GK: variants seen among roughly 807,000 people sequenced by gnomAD.
GK encodes ATP:glycerol 3-phosphotransferase.
In GK, 9 loss-of-function variants were observed where a neutral mutation model predicts 56.4. The observed-to-expected ratio is 0.16, with a 90% CI of 0.10 to 0.28. The LOEUF (loss-of-function observed/expected upper bound fraction) is 0.28. GK is among the 10% of genes least tolerant of loss of function. GK has a pLI of 1.00. For missense variants in GK, 161 were observed against 431.4 expected, an observed-to-expected ratio of 0.37 and a Z score of 5.55; for synonymous variants, 104 against 144.1, an observed-to-expected ratio of 0.72 and a Z score of 1.99.
chrX:30,685,259 A>G (rs999285794), intron 4 of GK, among the ~76,000 whole-genome samples: 4 of 110,434 alleles, frequency 3.6e-5, no homozygotes, highest in Non-Finnish European at 7.6e-5. Flanking sequence ...AGCCTCCCGA[A>G]TAGCTGGGAC....
At chrX:30,700,560 G>A (rs1935597523) in intron 10 of GK, 111 bp downstream of exon 10, 1 of 666,776 alleles carries the variant, frequency 1.5e-6, no homozygotes, top group Admixed American at 2.9e-5. Context: ...ACAAGTAAAA[G>A]TTGCAAAATT....
rs1937297566 is a variant in GK, at chrX:30,730,211, T to C, written c.*1469T>C. 8.9e-6 allele frequency: 1 copy of C among 112,163 alleles called. No homozygotes were observed. Among genetic ancestry groups the C allele is most frequent in the African/African-American group, 3.2e-5 (1 of 30,904 alleles). 9.2% of individuals were successfully genotyped at this position (112,163 alleles called of 1,213,427 possible). On this transcript the variant is annotated 3_prime_UTR_variant, in exon 21 of 21. Transcript: ENST00000427190. Reference sequence around the variant, plus strand: ...TGAAGAAAAGATTGCCTCCTAATTATTTTTTTCAATGAGTGCTGAATGGGA... The same window carrying C: ...TGAAGAAAAGATTGCCTCCTAATTACTTTTTTCAATGAGTGCTGAATGGGA...
intron 5 of GK, 43 bp from the exon 6 acceptor site, chrX:30,694,357 G>A (rs1325397703): frequency 8.6e-7 from 1 of 1,162,170 alleles, no homozygotes; most frequent in African/African-American, 1.8e-5. Flanking sequence ...GTTTTAAACT[G>A]TTACACTTTT....
chrX:30,689,171 A>T (rs1365017056), intron 4 of GK, among the ~76,000 whole-genome samples: 1 of 112,233 alleles, frequency 8.9e-6, no homozygotes, highest in African/African-American at 3.2e-5. Context: ...GTGCTTGTTA[A>T]TTTTACCTAT....
chrX:30,654,241 G>A (rs946917666), intron 1 of GK, among the ~76,000 whole-genome samples: 8 of 112,417 alleles, frequency 7.1e-5, no homozygotes, highest in African/African-American at 1.9e-4. Flanking sequence ...TCAGTTCTGA[G>A]ACTTTGCCCA....
chrX:30,700,986 A>T (rs1601926314), intron 11 of GK, 81 bp downstream of exon 11: 2 of 615,544 alleles, frequency 3.2e-6, no homozygotes, highest in East Asian at 6.6e-5. Flanking sequence ...AAGCTTTTGA[A>T]GTTCATCCAG....
rs192287931 is a variant in GK at position 30,716,464 on chromosome X, A to G, written c.976-2074A>G. Among the ~76,000 whole-genome samples the G allele has an allele frequency of 9.0e-3, 1,014 of 112,263 alleles. 4 individuals are homozygous for G. Among genetic ancestry groups the G allele is most frequent in the Middle Eastern group, 0.014 (3 of 218 alleles). On this transcript the variant is annotated intron_variant, in intron 13 of 20. Coordinates refer to ENST00000427190, the MANE Select transcript of GK (RefSeq NM_001205019.2). ...AAAGATAGTACAAAAAAAAATCTCA[A>G]TAATTTAATATTGATTTCATGTTGA...
At chrX:30,702,047 AT>A (rs34088900) in intron 11 of GK, among the ~76,000 whole-genome samples, 51 of 103,313 alleles carry the variant, frequency 4.9e-4, no homozygotes, top group Admixed American at 1.1e-3. Flanking sequence ...ATTTTTATTT[AT>A]TTTTTTTTTT....
At chrX:30,712,107 T>G (rs1197365854) in intron 13 of GK, among the ~76,000 whole-genome samples, 1 of 112,483 alleles carries the variant, frequency 8.9e-6, no homozygotes, top group African/African-American at 3.2e-5. Flanking sequence ...CACTCAACAT[T>G]ATGTTTGTGA....
At chrX:30,713,045 C>G in intron 13 of GK, among the ~76,000 whole-genome samples, 1 of 111,725 alleles carries the variant, frequency 9.0e-6, no homozygotes, top group East Asian at 2.8e-4. Flanking sequence ...TGTTGGATTT[C>G]TTAATACAAG....
At chrX:30,689,178 C>T (rs1035842974) in intron 4 of GK, among the ~76,000 whole-genome samples, 4 of 111,982 alleles carry the variant, frequency 3.6e-5, no homozygotes, top group Non-Finnish European at 7.5e-5. Context: ...TTAATTTTAC[C>T]TATCATAGAT....
chrX:30,696,209 A>G, intron 7 of GK, 58 bp downstream of exon 7: 1 of 653,522 alleles, frequency 1.5e-6, no homozygotes, highest in Non-Finnish European at 2.5e-6. Context: ...TTTATAACCG[A>G]AATCTTAATA....
At chrX:30,694,892 T>C (rs1749794856) in intron 6 of GK, among the ~76,000 whole-genome samples, 1 of 112,092 alleles carries the variant, frequency 8.9e-6, no homozygotes, top group African/African-American at 3.2e-5. Context: ...CAGGATAAAA[T>C]ACCTAGAGTA....
At position 30,672,319 on chromosome X, in the gene GK, C is replaced by T. The variant is rs183269816; in HGVS notation, c.259+4201C>T. Among the ~76,000 whole-genome samples, 154 of 110,672 alleles carry T rather than the reference C, an allele frequency of 1.4e-3. 2 individuals carry two copies. Among genetic ancestry groups the T allele is most frequent in the African/African-American group, 4.9e-3 (149 of 30,479 alleles). On this transcript the variant is annotated intron_variant, in intron 3 of 20. Transcript: ENST00000427190. ...TTCCCTGTTAGAGAAAAGGGAAACC[C>T]ACATATCCATTCCTCCACTGCCTTG...
intron 3 of GK, chrX:30,671,768 A>G (rs1234577968): frequency 8.9e-6 from 1 of 112,108 alleles, no homozygotes; most frequent in African/African-American, 3.2e-5. Flanking sequence ...CTTTCCTTCT[A>G]GCGGTAGAGT....
In GK at chrX:30,694,732, T is replaced by G. The variant is rs149371626; in HGVS notation, c.552+195T>G. Among the ~76,000 whole-genome samples, 1,112 of 111,809 alleles carry G rather than the reference T, an allele frequency of 9.9e-3. 10 individuals carry two copies. Among genetic ancestry groups the G allele is most frequent in the African/African-American group, 0.033 (1,028 of 30,778 alleles). On this transcript the variant is annotated intron_variant, in intron 6 of 20. Coordinates refer to ENST00000427190, the MANE Select transcript of GK (RefSeq NM_001205019.2). ...TTGCCTACTTCCTCTTTATTTTTTCTTGTCTTACTTCAGTGAAAATGAAGG... is the reference window on the plus strand; with the variant it reads ...TTGCCTACTTCCTCTTTATTTTTTCGTGTCTTACTTCAGTGAAAATGAAGG...
intron 1 of GK, among the ~76,000 whole-genome samples, chrX:30,660,801 TTTTC>T (rs1450201761): frequency 4.8e-5 from 5 of 103,569 alleles, no homozygotes; most frequent in Non-Finnish European, 7.8e-5. Context: ...GATTTTTTTT[TTTTC>T]TTTCTTCTTT....
chrX:30,678,037 C>A (rs745709376), intron 4 of GK: 2 of 542,400 alleles, frequency 3.7e-6, no homozygotes, highest in Non-Finnish European at 6.8e-6. Flanking sequence ...TGTTTTATAA[C>A]CCCTGCTGTT....
At chrX:30,668,984 G>A (rs777582008) in intron 3 of GK, among the ~76,000 whole-genome samples, 9 of 110,491 alleles carry the variant, frequency 8.1e-5, no homozygotes, top group African/African-American at 2.6e-4. Flanking sequence ...GGAAGAGATT[G>A]GTCAAAGGTG....
Sources: gnomAD v4.1 joint callset for allele counts (sites outside exome capture counted in the v4.1 genomes callset) on GRCh38, gnomAD v4.1.1 for gene constraint, MANE v1.5 for transcripts, NCBI Gene and HGNC (gene_info 2026-07-23, HGNC 2026-07-21) for gene names.